SNX9: variants seen among roughly 807,000 people sequenced by gnomAD.
The protein encoded by SNX9 is sorting nexin 9.
SNX9 carries 44 observed loss-of-function variants against 89.4 expected under a neutral mutation model. The ratio of observed to expected loss-of-function variants is 0.49; its 90% confidence interval spans 0.39 to 0.63. SNX9 has a LOEUF of 0.63. Ranked by LOEUF, SNX9 falls within the 30% of genes least tolerant of loss-of-function variation. SNX9 has a pLI of 0.00. For missense variants in SNX9, 578 were observed against 736.1 expected, an observed-to-expected ratio of 0.79 and a Z score of 2.49; for synonymous variants, 236 against 247.8, an observed-to-expected ratio of 0.95 and a Z score of 0.45.
intron 5 of SNX9, 125 bp downstream of exon 5, chr6:157,897,123 A>G: frequency 1.1e-6 from 1 of 932,204 alleles, no homozygotes; most frequent in Non-Finnish European, 1.6e-6. Flanking sequence ...TGACCACAGC[A>G]TGGGAAGGGA....
At chr6:157,845,588 A>G (rs1018421586) in intron 1 of SNX9, among the ~76,000 whole-genome samples, 2 of 152,240 alleles carry the variant, frequency 1.3e-5, no homozygotes, top group African/African-American at 4.8e-5. Flanking sequence ...CATGGTAAGT[A>G]TATGATTCAG....
chr6:157,927,772 G>A lies in SNX9; in HGVS notation c.1184+558G>A, dbSNP rs191654131. On this transcript the variant is annotated intron_variant, in intron 11 of 17. Coordinates refer to ENST00000392185, the MANE Select transcript of SNX9 (RefSeq NM_016224.5). ...GACGGAGTCTTGCTCTGTCACCCAG[G>A]CTGGAGTGCAGTGGCACGATCTCCG... Among the ~76,000 whole-genome samples, 375 of 138,716 alleles carry A rather than the reference G, an allele frequency of 2.7e-3. 1 individual carries two copies. The highest frequency in any genetic ancestry group is 1.0e-2 in the African/African-American group (354 of 35,538). 91.0% of individuals were successfully genotyped at this position (138,716 alleles called of 152,430 possible).
Position 157,932,165 on chromosome 6 carries a change from AC to A in SNX9, c.1289-29del. ...AATCCCATTTCAGTTTGCTCAGAAGACTAATCGTTTATTCCTTTTTGTCTTT... is the reference window on the plus strand; with the variant it reads ...AATCCCATTTCAGTTTGCTCAGAAGATAATCGTTTATTCCTTTTTGTCTTT... On this transcript the variant is annotated intron_variant, in intron 12 of 17. Coordinates refer to ENST00000392185, the MANE Select transcript of SNX9 (RefSeq NM_016224.5). 3 of 1,597,324 alleles carry A rather than the reference AC, an allele frequency of 1.9e-6. No individual in the cohort carries two copies. The African/African-American group carries it at 4.0e-5, about 21-fold the overall frequency.
chr6:157,859,387 A>G (rs1471605357), intron 1 of SNX9, among the ~76,000 whole-genome samples: 1 of 152,210 alleles, frequency 6.6e-6, no homozygotes, highest in African/African-American at 2.4e-5. Context: ...TTTTTTGACC[A>G]TGTATTCATT....
chr6:157,906,793 A>G (rs1295492187), intron 7 of SNX9, among the ~76,000 whole-genome samples: 1 of 152,180 alleles, frequency 6.6e-6, no homozygotes, highest in Non-Finnish European at 1.5e-5. Flanking sequence ...GATTGGTGGT[A>G]GATTTTCTGT....
chr6:157,938,081 C>T (rs1017714891), intron 15 of SNX9, among the ~76,000 whole-genome samples: 1 of 152,218 alleles, frequency 6.6e-6, no homozygotes, highest in African/African-American at 2.4e-5. Context: ...AAATAACGAG[C>T]AGCGTGATGA....
intron 1 of SNX9, among the ~76,000 whole-genome samples, chr6:157,862,209 A>G (rs1332086198): frequency 6.6e-6 from 1 of 152,238 alleles, no homozygotes; most frequent in Non-Finnish European, 1.5e-5. Context: ...TGCCTTCACC[A>G]TTTAGATTAA....
intron 1 of SNX9, among the ~76,000 whole-genome samples, chr6:157,848,292 A>C (rs1264932507): frequency 6.6e-6 from 1 of 152,194 alleles, no homozygotes; most frequent in Non-Finnish European, 1.5e-5. Context: ...GGCTTTACCC[A>C]CCCAGAGAAT....
At chr6:157,922,369 C>G (rs1312236239) in intron 10 of SNX9, among the ~76,000 whole-genome samples, 2 of 152,208 alleles carry the variant, frequency 1.3e-5, no homozygotes, top group African/African-American at 2.4e-5. Context: ...TCTCAGCACC[C>G]TAAAGAATAA....
At position 157,909,801 on chromosome 6, in the gene SNX9, A is replaced by G. The variant is rs751168440; in HGVS notation, c.831+11A>G. ...CAGCTAACACCTACTGTAAGTATCCACGTTATCAAAAGCAGAATCATGTTT... is the reference window on the plus strand; with the variant it reads ...CAGCTAACACCTACTGTAAGTATCCGCGTTATCAAAAGCAGAATCATGTTT... On this transcript the variant is annotated intron_variant, in intron 8 of 17. Transcript: ENST00000392185. 6.2e-7 allele frequency: 1 copy of G among 1,613,534 alleles called. No individual in the cohort carries two copies. The highest frequency in any genetic ancestry group is 8.5e-7 in the Non-Finnish European group (1 of 1,179,820).
At chr6:157,870,090 C>T (rs1057035419) in intron 2 of SNX9, among the ~76,000 whole-genome samples, 1 of 147,932 alleles carries the variant, frequency 6.8e-6, no homozygotes, top group Non-Finnish European at 1.5e-5. Flanking sequence ...CTCACTTGCC[C>T]TCATCCGCAC....
chr6:157,924,885 GTCT>G (rs1460914752), intron 10 of SNX9, among the ~76,000 whole-genome samples: 1 of 152,110 alleles, frequency 6.6e-6, no homozygotes, highest in African/African-American at 2.4e-5. Context: ...ATTGTATATG[GTCT>G]TCTTGAAAAT....
intron 1 of SNX9, among the ~76,000 whole-genome samples, chr6:157,833,829 G>A (rs1313926976): frequency 6.6e-6 from 1 of 152,102 alleles, no homozygotes; most frequent in African/African-American, 2.4e-5. Context: ...ACTTTGTCCC[G>A]TGACTATCTA....
chr6:157,938,417 A>G (rs1192171091), intron 15 of SNX9, among the ~76,000 whole-genome samples: 1 of 152,194 alleles, frequency 6.6e-6, no homozygotes, highest in Non-Finnish European at 1.5e-5. Context: ...AAAACTGTTC[A>G]TTTTAGCTTA....
At chr6:157,888,454 G>C (rs1476263427) in intron 4 of SNX9, among the ~76,000 whole-genome samples, 1 of 152,218 alleles carries the variant, frequency 6.6e-6, no homozygotes, top group Non-Finnish European at 1.5e-5. Flanking sequence ...GTTTGTGAGT[G>C]AGTGGCATGC....
intron 14 of SNX9, among the ~76,000 whole-genome samples, chr6:157,936,826 C>A (rs991806326): frequency 1.3e-5 from 2 of 152,156 alleles, no homozygotes; most frequent in Non-Finnish European, 2.9e-5. Context: ...TTTTAGATAA[C>A]AGATAATAAG....
intron 4 of SNX9, among the ~76,000 whole-genome samples, chr6:157,891,318 T>C (rs1782855515): frequency 6.6e-6 from 1 of 152,158 alleles, no homozygotes; most frequent in South Asian, 2.1e-4. Flanking sequence ...TGTGAACCGC[T>C]GCGCCTGGCC....
chr6:157,898,107 G>A (rs1418692034), intron 5 of SNX9, among the ~76,000 whole-genome samples: 4 of 152,144 alleles, frequency 2.6e-5, no homozygotes, highest in Non-Finnish European at 4.4e-5. Flanking sequence ...CTCTGTGCCG[G>A]GAACTAGGGA....
intron 1 of SNX9, among the ~76,000 whole-genome samples, chr6:157,862,142 T>G (rs534480871): frequency 6.6e-6 from 1 of 152,220 alleles, no homozygotes; most frequent in Admixed American, 6.5e-5. Context: ...AGCAGTTCAC[T>G]GAAACCGAGG....
Sources: gnomAD v4.1 joint callset for allele counts (sites outside exome capture counted in the v4.1 genomes callset) on GRCh38, gnomAD v4.1.1 for gene constraint, MANE v1.5 for transcripts, NCBI Gene and HGNC (gene_info 2026-07-23, HGNC 2026-07-21) for gene names.